The following PAMR1 variants were observed in gnomAD, a reference collection of about 807,000 sequenced individuals.
PAMR1 encodes the protein peptidase domain containing associated with muscle regeneration 1, also known as inactive serine protease PAMR1.
Under a neutral mutation model 81.8 loss-of-function variants are expected in PAMR1, and 88 were observed. That is an observed-to-expected ratio of 1.08 (90% confidence interval 0.91 to 1.28). The LOEUF is 1.28. PAMR1 is among the 50% of genes most tolerant of loss of function. PAMR1 has a pLI of 0.00. For missense variants in PAMR1, 935 were observed against 919.7 expected, an observed-to-expected ratio of 1.02 and a Z score of -0.21; for synonymous variants, 336 against 345.3, an observed-to-expected ratio of 0.97 and a Z score of 0.30.
chr11:35,432,681 T>A lies in PAMR1; in HGVS notation c.1838A>T (p.Lys613Met). Residue 613 changes from lysine (K) to methionine (M), a missense_variant, in exon 11 of 11, where the codon AAG (lysine) becomes ATG (methionine). Coordinates refer to ENST00000619888, the MANE Select transcript of PAMR1 (RefSeq NM_001001991.3). Reference protein sequence around the residue: ...VLADVRSPGFKNDTLRSGVVS... With the variant: ...VLADVRSPGFMNDTLRSGVVS... Reference sequence around the variant, plus strand: ...CACCCCAGAGCGCAGTGTGTCGTTCTTGAAGCCAGGGCTCCTCACGTCTGC... The same window carrying A: ...CACCCCAGAGCGCAGTGTGTCGTTCATGAAGCCAGGGCTCCTCACGTCTGC... 1 of 1,613,482 alleles carries A rather than the reference T, an allele frequency of 6.2e-7. No homozygotes were observed. Among genetic ancestry groups the A allele is most frequent in the Non-Finnish European group, 8.5e-7 (1 of 1,179,396 alleles).
intron 1 of PAMR1, among the ~76,000 whole-genome samples, chr11:35,504,963 A>G (rs1050638724): frequency 4.0e-5 from 6 of 151,632 alleles, no homozygotes; most frequent in African/African-American, 9.7e-5. Context: ...TTGAAGTCCT[A>G]CCACTTTTTT....
chr11:35,438,769 A>G (rs1389427227), intron 8 of PAMR1, among the ~76,000 whole-genome samples: 1 of 152,216 alleles, frequency 6.6e-6, no homozygotes, highest in Non-Finnish European at 1.5e-5. Flanking sequence ...GCTAAGATAA[A>G]AACAGAAACA....
intron 1 of PAMR1, among the ~76,000 whole-genome samples, chr11:35,494,657 A>G (rs947769976): frequency 1.3e-5 from 2 of 152,080 alleles, no homozygotes; most frequent in Admixed American, 1.3e-4. Flanking sequence ...ACTCTTAAGT[A>G]CTCTACTGCT....
intron 3 of PAMR1, among the ~76,000 whole-genome samples, chr11:35,480,929 C>A (rs1246221233): frequency 2.0e-5 from 3 of 152,134 alleles, no homozygotes; most frequent in Non-Finnish European, 4.4e-5. Context: ...TGTTCAGCTC[C>A]CACTTATGAG....
intron 2 of PAMR1, among the ~76,000 whole-genome samples, chr11:35,492,523 G>A (rs182589748): frequency 1.3e-5 from 2 of 152,272 alleles, no homozygotes; most frequent in Admixed American, 1.3e-4. Flanking sequence ...ATTTAGACCA[G>A]TAAAAAGAAT....
chr11:35,483,568 A>C (rs146561897), intron 3 of PAMR1, among the ~76,000 whole-genome samples: 1 of 152,258 alleles, frequency 6.6e-6, no homozygotes, highest in East Asian at 1.9e-4. Flanking sequence ...CCCTTCCTGC[A>C]CTTGCCCTGC....
chr11:35,443,343 C>A (rs886224153), intron 6 of PAMR1, among the ~76,000 whole-genome samples: 3 of 152,114 alleles, frequency 2.0e-5, no homozygotes, highest in Non-Finnish European at 4.4e-5. Context: ...AGCTGTTTAT[C>A]CTGATGCTCT....
chr11:35,480,318 T>G (rs1231416303), intron 3 of PAMR1, among the ~76,000 whole-genome samples: 2 of 152,190 alleles, frequency 1.3e-5, no homozygotes, highest in Non-Finnish European at 2.9e-5. Flanking sequence ...CTGCAGAAAG[T>G]CTTTCTTCAC....
chr11:35,480,758 A>C (rs1230233172), intron 3 of PAMR1, among the ~76,000 whole-genome samples: 1 of 152,144 alleles, frequency 6.6e-6, no homozygotes, highest in African/African-American at 2.4e-5. Context: ...ACATAGGAAT[A>C]CACGTGCCAT....
At chr11:35,461,201 A>C (rs1270456676) in intron 6 of PAMR1, among the ~76,000 whole-genome samples, 1 of 152,220 alleles carries the variant, frequency 6.6e-6, no homozygotes, top group African/African-American at 2.4e-5. Flanking sequence ...TCATCTGCCA[A>C]AGCAAAAGCC....
chr11:35,493,987 C>T, intron 2 of PAMR1, 109 bp downstream of exon 2: 2 of 799,946 alleles, frequency 2.5e-6, no homozygotes, highest in South Asian at 3.3e-5. Context: ...ATAATCATGG[C>T]ACCACAGCCT....
At chr11:35,521,812 GC>G (rs1851285329) in intron 1 of PAMR1, among the ~76,000 whole-genome samples, 1 of 152,166 alleles carries the variant, frequency 6.6e-6, no homozygotes, top group Non-Finnish European at 1.5e-5. Context: ...GACAGCCTGA[GC>G]TCACCCTGGG....
At position 35,441,599 on chromosome 11, in the gene PAMR1, A is replaced by G. The variant is rs756752377; in HGVS notation, c.915T>C (p.Ala305=). The change falls in exon 7 of 11, where the codon GCT becomes GCC. Residue 305 remains alanine (A), a synonymous_variant. Transcript: ENST00000619888. The part of the protein sequence containing the change: ...GGPGLINGRH[A]KIGTVVSFFC... ...AGAAAGACACCACGGTGCCAATTTTAGCATGGCGTCCGTTGATAAGCCCAG... is the reference window on the plus strand; with the variant it reads ...AGAAAGACACCACGGTGCCAATTTTGGCATGGCGTCCGTTGATAAGCCCAG... The G allele has an allele frequency of 3.1e-6, 5 of 1,614,052 alleles. No individual in the cohort carries two copies. The East Asian group carries it at 1.1e-4, about 36-fold the overall frequency.
At chr11:35,441,006 G>T (rs1236793586) in intron 7 of PAMR1, among the ~76,000 whole-genome samples, 1 of 152,100 alleles carries the variant, frequency 6.6e-6, no homozygotes, top group Non-Finnish European at 1.5e-5. Context: ...GAATGTACAA[G>T]GGTTTACTCT....
At chr11:35,525,170 C>T (rs1851362051) in intron 1 of PAMR1, among the ~76,000 whole-genome samples, 1 of 152,226 alleles carries the variant, frequency 6.6e-6, no homozygotes, top group South Asian at 2.1e-4. Context: ...CAAGTCAGAG[C>T]GGGTAACTCA....
intron 3 of PAMR1, among the ~76,000 whole-genome samples, chr11:35,479,016 A>G (rs989682583): frequency 2.0e-5 from 3 of 152,130 alleles, no homozygotes; most frequent in African/African-American, 7.2e-5. Flanking sequence ...ATCTTTATTA[A>G]TTTCTAGACC....
intron 7 of PAMR1, among the ~76,000 whole-genome samples, chr11:35,440,943 A>G (rs1346839515): frequency 6.6e-6 from 1 of 152,126 alleles, no homozygotes; most frequent in Non-Finnish European, 1.5e-5. Flanking sequence ...AGGAATGCTG[A>G]TCTCTCCTTT....
intron 1 of PAMR1, among the ~76,000 whole-genome samples, chr11:35,501,090 C>T (rs7946272): frequency 0.2 from 29,510 of 150,414 alleles, 3,015 homozygotes; most frequent in East Asian, 0.28. Flanking sequence ...AATAAATTAA[C>T]CTTAGTTTTC....
chr11:35,492,114 C>G lies in PAMR1; in HGVS notation c.310G>C (p.Asp104His), dbSNP rs1247186300. Residue 104 changes from aspartate (D) to histidine (H), a missense_variant, in exon 3 of 11, where the codon GAT becomes CAT. Transcript: ENST00000619888. ...CRNGSWGGTL[D>H]DFYVKGFYCA... ...TAGAACCCCTTCACATAGAAGTCAT[C>G]CAAGGTACCCCCCCATGAGCCATTT... 2.5e-6 allele frequency: 4 copies of G among 1,614,032 alleles called. No homozygotes were observed. Among genetic ancestry groups the G allele is most frequent in the Non-Finnish European group, 3.4e-6 (4 of 1,180,008 alleles).
Sources: gnomAD v4.1 joint callset for allele counts (sites outside exome capture counted in the v4.1 genomes callset) on GRCh38, gnomAD v4.1.1 for gene constraint, MANE v1.5 for transcripts, NCBI Gene and HGNC (gene_info 2026-07-23, HGNC 2026-07-21) for gene names.